The following BLTP3A variants were observed in gnomAD, a reference collection of about 807,000 sequenced individuals.
The protein encoded by BLTP3A is ICBP90 binding protein 1.
chr6:34,818,105 G>A, the BLTP3A span, among the ~76,000 whole-genome samples: 1 of 151,958 alleles, frequency 6.6e-6, no homozygotes, highest in South Asian at 2.1e-4. Context: ...TGATCCGCCC[G>A]CCTTGGCCTC....
the BLTP3A span, among the ~76,000 whole-genome samples, chr6:34,859,916 A>T: frequency 0.44 from 66,500 of 151,876 alleles, 16,365 homozygotes; most frequent in African/African-American, 0.67. Flanking sequence ...CTTGCTTCAC[A>T]ATTATTGATA....
chr6:34,810,407 G>T, the BLTP3A span, among the ~76,000 whole-genome samples: 2 of 152,342 alleles, frequency 1.3e-5, no homozygotes, highest in Non-Finnish European at 2.9e-5. Flanking sequence ...TAACACGTGA[G>T]CTTACTGCAG....
At chr6:34,825,228 G>T in the BLTP3A span, among the ~76,000 whole-genome samples, 1 of 152,050 alleles carries the variant, frequency 6.6e-6, no homozygotes, top group African/African-American at 2.4e-5. Flanking sequence ...TGCCCTGATT[G>T]ATTTTGTTTG....
At chr6:34,869,014 A>T in the BLTP3A span, among the ~76,000 whole-genome samples, 69 of 150,860 alleles carry the variant, frequency 4.6e-4, no homozygotes, top group African/African-American at 1.7e-3. Context: ...TTGTTTTTTA[A>T]TTTTTTTTTG....
the BLTP3A span, among the ~76,000 whole-genome samples, chr6:34,850,272 CT>C: frequency 6.6e-6 from 1 of 152,148 alleles, no homozygotes; most frequent in Non-Finnish European, 1.5e-5. Flanking sequence ...TCTCTTGCAG[CT>C]TTTAGGATCC....
chr6:34,826,271 CT>C, the BLTP3A span, among the ~76,000 whole-genome samples: 1 of 151,940 alleles, frequency 6.6e-6, no homozygotes, highest in Non-Finnish European at 1.5e-5. Flanking sequence ...ATCCACCCGG[CT>C]TGGCCTCCCA....
chr6:34,843,032 G>A, the BLTP3A span, among the ~76,000 whole-genome samples: 3 of 152,076 alleles, frequency 2.0e-5, no homozygotes, highest in Admixed American at 2.0e-4. Context: ...TGCCCAGTCT[G>A]GAGTGTCATG....
chr6:34,823,546 T>G, the BLTP3A span, among the ~76,000 whole-genome samples: 1 of 151,210 alleles, frequency 6.6e-6, no homozygotes, highest in Non-Finnish European at 1.5e-5. Flanking sequence ...TCTGTTTTTT[T>G]TTTTTTTTTT....
At chr6:34,846,271 A>C in the BLTP3A span, among the ~76,000 whole-genome samples, 6 of 151,426 alleles carry the variant, frequency 4.0e-5, no homozygotes, top group Non-Finnish European at 8.8e-5. Flanking sequence ...CAGCCTCTGG[A>C]GTAGCCGAGA....
chr6:34,793,388 G>GTA, the BLTP3A span, among the ~76,000 whole-genome samples: 3 of 152,200 alleles, frequency 2.0e-5, no homozygotes, highest in Admixed American at 6.5e-5. Flanking sequence ...TTTTCAGGAG[G>GTA]TAGGGGTGAG....
At chr6:34,840,667 G>A in the BLTP3A span, among the ~76,000 whole-genome samples, 1 of 151,554 alleles carries the variant, frequency 6.6e-6, no homozygotes, top group African/African-American at 2.4e-5. Flanking sequence ...CCAGGCTGGA[G>A]TGCAGTGGCA....
At chr6:34,837,516 TC>T in the BLTP3A span, among the ~76,000 whole-genome samples, 105 of 144,016 alleles carry the variant, frequency 7.3e-4, 2 homozygotes, top group East Asian at 0.015. Flanking sequence ...AGACTCCATC[TC>T]TTAAAAAAAA....
the BLTP3A span, among the ~76,000 whole-genome samples, chr6:34,848,002 C>T: frequency 8.2e-5 from 12 of 146,002 alleles, no homozygotes; most frequent in South Asian, 2.1e-4. Flanking sequence ...TCACTGCATC[C>T]TCTGCCTCCT....
the BLTP3A span, among the ~76,000 whole-genome samples, chr6:34,806,760 A>G: frequency 7.2e-5 from 11 of 152,180 alleles, no homozygotes; most frequent in Non-Finnish European, 1.2e-4. Context: ...CTCCTGGATC[A>G]AGCGATTCTT....
chr6:34,822,528 C>T, the BLTP3A span, among the ~76,000 whole-genome samples: 5 of 152,060 alleles, frequency 3.3e-5, no homozygotes, highest in Non-Finnish European at 2.9e-5. Context: ...CGTGAGCCAC[C>T]GCGCCTGGCA....
chr6:34,858,220 C>T, the BLTP3A span: 3 of 1,614,188 alleles, frequency 1.9e-6, no homozygotes, highest in South Asian at 2.2e-5. Context: ...CAATACACGT[C>T]ATGCTCCACA....
At chr6:34,836,225 A>G in the BLTP3A span, 8 of 1,614,162 alleles carry the variant, frequency 5.0e-6, no homozygotes, top group Non-Finnish European at 6.8e-6. Flanking sequence ...GGGCAACAGC[A>G]ACAGCAGCAG....
At chr6:34,872,538 G>C in the BLTP3A span, 1 of 1,405,606 alleles carries the variant, frequency 7.1e-7, no homozygotes. Context: ...AAGTCACTAC[G>C]GATGCCAGAG....
the BLTP3A span, chr6:34,870,941 C>T: frequency 6.2e-7 from 1 of 1,614,208 alleles, no homozygotes; most frequent in East Asian, 2.2e-5. Context: ...CCTGGAGCAG[C>T]TGTTCATTCC....
Sources: allele counts gnomAD v4.1 joint callset (sites outside exome capture counted in the v4.1 genomes callset), GRCh38; gene constraint gnomAD v4.1.1; transcripts MANE v1.5; gene names NCBI Gene and HGNC (gene_info 2026-07-23, HGNC 2026-07-21).